The following REDIC1 variants were observed in gnomAD, a reference collection of about 807,000 sequenced individuals.
REDIC1 encodes HEI10 Interacting Protein 1.
At chr12:39,676,193 T>TA in the REDIC1 span, among the ~76,000 whole-genome samples, 2,891 of 127,934 alleles carry the variant, frequency 0.023, 29 homozygotes, top group Non-Finnish European at 0.03. Flanking sequence ...CTTAAGGAAA[T>TA]AAAAAAAAAA....
chr12:39,674,753 G>C, the REDIC1 span, among the ~76,000 whole-genome samples: 1 of 152,200 alleles, frequency 6.6e-6, no homozygotes, highest in Non-Finnish European at 1.5e-5. Flanking sequence ...TCCCCAGCTT[G>C]AGCCCAGGGA....
At chr12:39,725,340 A>T in the REDIC1 span, among the ~76,000 whole-genome samples, 1 of 152,136 alleles carries the variant, frequency 6.6e-6, no homozygotes. Context: ...ATTTGGTGAC[A>T]TATTTAGGGT....
the REDIC1 span, among the ~76,000 whole-genome samples, chr12:39,638,682 C>A: frequency 6.6e-6 from 1 of 151,952 alleles, no homozygotes; most frequent in Non-Finnish European, 1.5e-5. Context: ...ACAGTGATAG[C>A]CTTAATAATA....
chr12:39,812,342 C>CTTTTCTTTTCTTTTCTTTTA, the REDIC1 span, among the ~76,000 whole-genome samples: 1 of 42,970 alleles, frequency 2.3e-5, no homozygotes, highest in African/African-American at 7.1e-5. Context: ...TTTCTTTTTT[C>CTTTTCTTTTCTTTTCTTTTA]TTTTCTTTTC....
the REDIC1 span, among the ~76,000 whole-genome samples, chr12:39,689,563 A>T: frequency 6.6e-6 from 1 of 152,178 alleles, no homozygotes; most frequent in East Asian, 1.9e-4. Flanking sequence ...ATCCAAGTAT[A>T]TGATTCTCGA....
At chr12:39,659,635 G>A in the REDIC1 span, among the ~76,000 whole-genome samples, 1 of 151,740 alleles carries the variant, frequency 6.6e-6, no homozygotes, top group African/African-American at 2.4e-5. Flanking sequence ...GTATCTATTA[G>A]GCATGTTCAG....
the REDIC1 span, among the ~76,000 whole-genome samples, chr12:39,724,160 A>T: frequency 1.3e-5 from 2 of 152,078 alleles, no homozygotes; most frequent in Non-Finnish European, 2.9e-5. Flanking sequence ...ATCTGATGGG[A>T]ATTGGTGGTT....
At chr12:39,662,520 C>CT in the REDIC1 span, among the ~76,000 whole-genome samples, 2 of 150,836 alleles carry the variant, frequency 1.3e-5, no homozygotes, top group Non-Finnish European at 3.0e-5. Context: ...AATCTAAGAG[C>CT]TTTTTTTTTT....
chr12:39,713,133 G>T, the REDIC1 span, among the ~76,000 whole-genome samples: 3 of 149,028 alleles, frequency 2.0e-5, no homozygotes, highest in African/African-American at 2.5e-5. Context: ...GTGCATATAC[G>T]TATATATGTA....
At chr12:39,863,220 T>C in the REDIC1 span, among the ~76,000 whole-genome samples, 9 of 152,146 alleles carry the variant, frequency 5.9e-5, no homozygotes, top group Admixed American at 4.6e-4. Flanking sequence ...GATAATACCT[T>C]ACATCATAAG....
chr12:39,852,473 G>C, the REDIC1 span, among the ~76,000 whole-genome samples: 2 of 152,188 alleles, frequency 1.3e-5, no homozygotes, highest in Non-Finnish European at 2.9e-5. Flanking sequence ...AGAGAATAAA[G>C]AGGACTTGTT....
At chr12:39,864,661 C>T in the REDIC1 span, 1 of 1,463,026 alleles carries the variant, frequency 6.8e-7, no homozygotes, top group Non-Finnish European at 9.2e-7. Context: ...GCCTGGATGC[C>T]CAGCAAGCTC....
the REDIC1 span, among the ~76,000 whole-genome samples, chr12:39,789,409 T>C: frequency 6.6e-6 from 1 of 152,198 alleles, no homozygotes; most frequent in Non-Finnish European, 1.5e-5. Flanking sequence ...CATCATGATA[T>C]ACACTTTATG....
chr12:39,682,986 G>A, the REDIC1 span: 54 of 1,613,180 alleles, frequency 3.3e-5, no homozygotes, highest in Non-Finnish European at 4.2e-5. Context: ...CAGTTCCAGA[G>A]TTGACTTTTA....
chr12:39,811,657 T>C, the REDIC1 span, among the ~76,000 whole-genome samples: 2 of 152,176 alleles, frequency 1.3e-5, no homozygotes, highest in Admixed American at 1.3e-4. Context: ...GCTCTATTAT[T>C]AGAGGAATAT....
At chr12:39,654,827 A>G in the REDIC1 span, among the ~76,000 whole-genome samples, 2 of 152,094 alleles carry the variant, frequency 1.3e-5, no homozygotes, top group Admixed American at 6.5e-5. Flanking sequence ...TTTCTTTTCT[A>G]AGTTTTTCTT....
the REDIC1 span, among the ~76,000 whole-genome samples, chr12:39,705,073 A>C: frequency 4.6e-5 from 7 of 151,726 alleles, no homozygotes; most frequent in Admixed American, 2.6e-4. Context: ...AAAGTATAAT[A>C]ATAATAAATA....
At chr12:39,885,614 C>T in the REDIC1 span, among the ~76,000 whole-genome samples, 1 of 152,074 alleles carries the variant, frequency 6.6e-6, no homozygotes, top group African/African-American at 2.4e-5. Flanking sequence ...CCGAAGCACC[C>T]AGAGAAAAAT....
At chr12:39,821,536 C>G in the REDIC1 span, among the ~76,000 whole-genome samples, 11 of 152,242 alleles carry the variant, frequency 7.2e-5, no homozygotes, top group Admixed American at 6.5e-4. Context: ...ATTTACAAAA[C>G]CCAAGCTTAA....
Sources: allele counts gnomAD v4.1 joint callset (sites outside exome capture counted in the v4.1 genomes callset), GRCh38; gene constraint gnomAD v4.1.1; transcripts MANE v1.5; gene names NCBI Gene and HGNC (gene_info 2026-07-23, HGNC 2026-07-21).